Variants in IGSF8 observed in about 807,000 individuals in gnomAD.
IGSF8 encodes the protein CD81 partner 3.
Under a neutral mutation model 55.5 loss-of-function variants are expected in IGSF8, and 46 were observed. The observed-to-expected ratio is 0.83, with a 90% CI of 0.65 to 1.06. The LOEUF (loss-of-function observed/expected upper bound fraction) is 1.06, where lower values mean the gene tolerates loss of function less well. Ranked by LOEUF, IGSF8 falls within the 50% of genes least tolerant of loss-of-function variation. The probability of loss-of-function intolerance (pLI) is 0.00; values close to 1 mark genes in which losing one functional copy is unlikely to be tolerated. For missense variants in IGSF8, 731 were observed against 832.3 expected (o/e 0.88, Z 1.50); for synonymous variants, 314 against 356.1 (o/e 0.88, Z 1.33).
rs771038805 is a variant in IGSF8 at position 160,094,120 on chromosome 1, C to A, written c.494G>T (p.Arg165Leu). Reference sequence around the variant, plus strand: ...GCGTGGGGGTGAGGTTGGGGCCTGGCGGCCTCGGGGCCCTGGGGGGGCAGC... The same window carrying A: ...GCGTGGGGGTGAGGTTGGGGCCTGGAGGCCTCGGGGCCCTGGGGGGGCAGC... ...VSAAPPGPRG[R>L]QAPTSPPRMT... Residue 165 changes from arginine (R) to leucine (L), a missense_variant, in exon 3 of 7, where the codon CGC becomes CTC. Coordinates refer to ENST00000314485, the MANE Select transcript of IGSF8 (RefSeq NM_052868.6). This position sits in a 1 kb window ranked among gnomAD's most constrained non-coding sequence, Gnocchi z 4.0. 1 of 1,608,278 alleles carries A rather than the reference C, an allele frequency of 6.2e-7. No homozygotes were observed. The highest frequency in any genetic ancestry group is 1.7e-5 in the Admixed American group (1 of 59,948).
chr1:160,093,714 C>A lies in IGSF8; in HGVS notation c.900G>T (p.Thr300=). ...RAVLAHVDVQ[T]LSSQLAVTVG... is the part of the protein sequence containing the mutation. The stretch of plus-strand genomic sequence containing the variant: ...GGATGTATAAGTGGCACTTACACAG[C>A]GTCTGCACATCCACGTGGGCCAGGA... Residue 300 remains threonine (T), a synonymous_variant, in exon 3 of 7, where the codon ACG becomes ACT. Transcript: ENST00000314485. The A allele has an allele frequency of 1.3e-6, 2 of 1,599,944 alleles. No individual in the cohort carries two copies. The highest frequency in any genetic ancestry group is 1.1e-5 in the South Asian group (1 of 88,492).
intron 5 of IGSF8, 36 bp downstream of exon 5, chr1:160,092,246 A>G (rs1239967404): frequency 1.2e-6 from 2 of 1,603,972 alleles, no homozygotes; most frequent in African/African-American, 2.7e-5. Flanking sequence ...GCCAGGAGGA[A>G]GGCAGAGTGA....
chr1:160,092,329 G>T lies in IGSF8; in HGVS notation c.1679C>A (p.Ala560Glu), dbSNP rs143324284. 6 of 1,613,962 alleles carry T rather than the reference G, an allele frequency of 3.7e-6. No homozygotes were observed. In the East Asian group the frequency reaches 6.7e-5, roughly 18 times the overall value. The change falls in exon 5 of 7, where the codon GCG becomes GAG. Residue 560 changes from alanine to glutamate, a missense_variant. Coordinates refer to ENST00000314485, the MANE Select transcript of IGSF8 (RefSeq NM_052868.6). ...AACAGGCCCTGAGCGGGCACTGCCC[G>T]CCTGGTACCAGCTGTAGTCGGCATG... ...VQHADYSWYQ[A>E]GSARSGPVTV...
chr1:160,093,438 T>A, intron 3 of IGSF8, 107 bp from the exon 4 acceptor site: 1 of 1,114,468 alleles, frequency 9.0e-7, no homozygotes, highest in Non-Finnish European at 1.3e-6. Flanking sequence ...CTTCAAAACC[T>A]CCTGTCTCCC....
rs199690270 is a variant in IGSF8, at chr1:160,093,360, A to T, written c.905-29T>A. 1.1e-4 allele frequency: 166 copies of T among 1,553,372 alleles called. No homozygotes were observed. In the African/African-American group the frequency reaches 1.9e-3, roughly 18 times the overall value. ...AAACACAGGTAGGGGAAGAGGTGTC[A>T]TGGAGGCAGGAGGGGACACAGAGGC... is the stretch of plus-strand genomic sequence containing the variant. On this transcript the variant is annotated intron_variant, in intron 3 of 6. Transcript: ENST00000314485.
At chr1:160,093,371 AG>A in intron 3 of IGSF8, 40 bp from the exon 4 acceptor site, 1 of 1,533,558 alleles carries the variant, frequency 6.5e-7, no homozygotes, top group South Asian at 1.3e-5. Context: ...TGGAGGCAGG[AG>A]GGGACACAGA....
rs1176493319 is a variant in IGSF8 at position 160,098,616 on chromosome 1, G to A, written c.-144C>T. On this transcript the variant is annotated 5_prime_UTR_variant, in exon 1 of 7. Coordinates refer to ENST00000314485, the MANE Select transcript of IGSF8 (RefSeq NM_052868.6). ...CCGAGCGAGCTGAACTGGAGCTGCC[G>A]AATCCCCTCCCTCCGCCCCTCCCGC... The A allele has an allele frequency of 1.0e-5, 6 of 573,998 alleles. No individual in the cohort carries two copies. Among genetic ancestry groups the A allele is most frequent in the African/African-American group, 8.0e-5 (4 of 50,136 alleles). 35.6% of individuals were successfully genotyped at this position (573,998 alleles called of 1,614,324 possible).
At position 160,094,860 on chromosome 1, in the gene IGSF8, G is replaced by A; in HGVS notation, c.442+9C>T. 6.2e-7 allele frequency: 1 copy of A among 1,608,092 alleles called. No individual in the cohort carries two copies. The highest frequency in any genetic ancestry group is 8.5e-7 in the Non-Finnish European group (1 of 1,176,176). ...GTGTGTGGCTCCACCCCGTCCCAGG[G>A]CCCAGTACCTCTCAGCTCCACCTTG... On this transcript the variant is annotated intron_variant, in intron 2 of 6. Coordinates refer to ENST00000314485, the MANE Select transcript of IGSF8 (RefSeq NM_052868.6). The surrounding 1 kb of genome is among the most constrained non-coding windows in gnomAD (Gnocchi z 4.0).
Position 160,098,541 on chromosome 1 carries a change from G to A in IGSF8, c.-69C>T, listed in dbSNP as rs1217619744. 8.9e-6 allele frequency: 10 copies of A among 1,121,770 alleles called. No homozygotes were observed. The East Asian group carries it at 1.6e-4, about 18-fold the overall frequency. The allele number at this position is 1,121,770 out of a possible 1,614,324, so 69.5% of individuals were successfully genotyped here. On this transcript the variant is annotated 5_prime_UTR_variant, in exon 1 of 7. Coordinates refer to ENST00000314485, the MANE Select transcript of IGSF8 (RefSeq NM_052868.6). ...TTCTGGGGGGCCGGAAGGGTGGGGG[G>A]CGCATGCCCAGGTTGAGGGCAGGAA... is the stretch of plus-strand genomic sequence containing the variant.
intron 5 of IGSF8, 24 bp downstream of exon 5, chr1:160,092,258 G>T: frequency 6.2e-7 from 1 of 1,610,822 alleles, no homozygotes; most frequent in East Asian, 2.2e-5. Context: ...GCAGAGTGAG[G>T]AGGGTGGAGG....
In IGSF8 at chr1:160,098,439, A is replaced by C; in HGVS notation, c.34T>G (p.Ser12Ala). 1 of 1,547,444 alleles carries C rather than the reference A, an allele frequency of 6.5e-7. No individual in the cohort carries two copies. Among genetic ancestry groups the C allele is most frequent in the Non-Finnish European group, 8.7e-7 (1 of 1,145,824 alleles). ...GALRPTLLPP[S>A]LPLLLLLMLG... is the part of the protein sequence containing the mutation. ...ATTAGCAGCAGCAGCAGCGGCAGCG[A>C]AGGCGGCAGCAGCGTGGGCCTGAGG... The change falls in exon 1 of 7, where the codon TCG (serine) becomes GCG (alanine). Residue 12 changes from serine to alanine, a missense_variant. Coordinates refer to ENST00000314485, the MANE Select transcript of IGSF8 (RefSeq NM_052868.6).
chr1:160,095,423 G>GA, intron 1 of IGSF8, 177 bp from the exon 2 acceptor site: 1 of 662,904 alleles, frequency 1.5e-6, no homozygotes, highest in African/African-American at 1.8e-5. Context: ...TAAGACACCT[G>GA]GATCTCAAGG....
chr1:160,093,762 G>T lies in IGSF8; in HGVS notation c.852C>A (p.Ala284=), dbSNP rs746544004. 6.2e-7 allele frequency: 1 copy of T among 1,613,682 alleles called. No homozygotes were observed. The highest frequency in any genetic ancestry group is 8.5e-7 in the Non-Finnish European group (1 of 1,179,768). ...GGACGGCCCTTTTCTCTGCAATCTG[G>T]GCCCAGCTGCCATCAGGATCCTGAA... is the stretch of plus-strand genomic sequence containing the variant. ...EWIQDPDGSW[A]QIAEKRAVLA... The change falls in exon 3 of 7, where the codon GCC becomes GCA. Residue 284 remains alanine, a synonymous_variant. Transcript: ENST00000314485.
chr1:160,095,783 C>G (rs1199063403), intron 1 of IGSF8, among the ~76,000 whole-genome samples: 1 of 152,260 alleles, frequency 6.6e-6, no homozygotes, highest in African/African-American at 2.4e-5. Context: ...GGCACAGGCC[C>G]AGTCAGTTCT....
Position 160,094,718 on chromosome 1 carries a change from T to G in IGSF8, c.442+151A>C. ...TTTGAGTCCCACATCAGCCACTGAG[T>G]TATTGGGTGACTTTGTGCAAATCAC... is the stretch of plus-strand genomic sequence containing the variant. On this transcript the variant is annotated intron_variant, in intron 2 of 6. Coordinates refer to ENST00000314485, the MANE Select transcript of IGSF8 (RefSeq NM_052868.6). This position sits in a 1 kb window ranked among gnomAD's most constrained non-coding sequence, Gnocchi z 4.0. 4 of 815,178 alleles carry G rather than the reference T, an allele frequency of 4.9e-6. No homozygotes were observed. The highest frequency in any genetic ancestry group is 7.6e-6 in the Non-Finnish European group (4 of 528,480). The allele number at this position is 815,178 out of a possible 1,614,324, so 50.5% of individuals were successfully genotyped here.
rs1328159090 is a variant in IGSF8, at chr1:160,093,899, C to T, written c.715G>A (p.Ala239Thr). The change falls in exon 3 of 7, where the codon GCT (alanine) becomes ACT (threonine). Residue 239 changes from alanine to threonine, a missense_variant. Physicochemically the swap from Ala to Thr is moderately conservative, Grantham distance 58. Transcript: ENST00000314485. Reference sequence around the variant, plus strand: ...TTGCCCAGACGAAGCTCCCCTGCAGCCAATCGCTCAGCATAGGGAGCTCCA... The same window carrying T: ...TTGCCCAGACGAAGCTCCCCTGCAGTCAATCGCTCAGCATAGGGAGCTCCA... ...EAGAPYAERL[A>T]AGELRLGKEG... 2 of 1,614,226 alleles carry T rather than the reference C, an allele frequency of 1.2e-6. No homozygotes were observed. The highest frequency in any genetic ancestry group is 1.1e-5 in the South Asian group (1 of 91,086).
chr1:160,095,598 T>C (rs1488025405), intron 1 of IGSF8, among the ~76,000 whole-genome samples: 1 of 152,246 alleles, frequency 6.6e-6, no homozygotes, highest in Non-Finnish European at 1.5e-5. Flanking sequence ...CCCACCTCCA[T>C]GTCTGCCATT....
intron 1 of IGSF8, among the ~76,000 whole-genome samples, chr1:160,096,797 C>T (rs1056167826): frequency 2.0e-4 from 31 of 152,182 alleles, no homozygotes; most frequent in Non-Finnish European, 3.7e-4. Context: ...TGTGTGAGTG[C>T]GTATGTGACT....
At position 160,094,278 on chromosome 1, in the gene IGSF8, A is replaced by C. The variant is rs1027361777; in HGVS notation, c.443-107T>G. 4.6e-5 allele frequency: 33 copies of C among 715,574 alleles called. No homozygotes were observed. Among genetic ancestry groups the C allele is most frequent in the Non-Finnish European group, 7.3e-5 (32 of 438,796 alleles). 44.3% of individuals were successfully genotyped at this position (715,574 alleles called of 1,614,324 possible). A position where few individuals can be genotyped will look rare whatever the true frequency, so the allele number is the denominator to read the frequency against. On this transcript the variant is annotated intron_variant, in intron 2 of 6. Transcript: ENST00000314485. This position sits in a 1 kb window ranked among gnomAD's most constrained non-coding sequence, Gnocchi z 4.0. ...AATAAACTGTGAGCTCCCAGAGGGC[A>C]AAGATCGCATGTTGTATTATTTCTT...
Sources: allele counts gnomAD v4.1 joint callset (sites outside exome capture counted in the v4.1 genomes callset), GRCh38; gene constraint gnomAD v4.1.1; non-coding constraint Gnocchi (gnomAD v3.1); transcripts MANE v1.5; gene names NCBI Gene and HGNC (gene_info 2026-07-23, HGNC 2026-07-21).